Variants in HS6ST3 observed in about 807,000 individuals in gnomAD.
The protein encoded by HS6ST3 is heparan-sulfate 6-O-sulfotransferase 3.
Under a neutral mutation model 36.7 loss-of-function variants are expected in HS6ST3, and 12 were observed. The observed-to-expected ratio is 0.33, with a 90% CI of 0.21 to 0.53. The LOEUF (loss-of-function observed/expected upper bound fraction) is 0.53. Ranked by LOEUF, HS6ST3 falls within the 20% of genes least tolerant of loss-of-function variation. HS6ST3 has a pLI of 0.95. For synonymous variants in HS6ST3, 240 were observed against 257.5 expected, an observed-to-expected ratio of 0.93 and a Z score of 0.65; for missense variants, 584 against 640.9, an observed-to-expected ratio of 0.91 and a Z score of 0.96.
At chr13:96,559,114 CTATCTATCTATT>C (rs1304147777) in intron 1 of HS6ST3, among the ~76,000 whole-genome samples, 20 of 97,534 alleles carry the variant, frequency 2.1e-4, no homozygotes, top group African/African-American at 3.2e-4. Context: ...ATCTATCTAT[CTATCTATCTATT>C]TATTTATTGA....
intron 1 of HS6ST3, among the ~76,000 whole-genome samples, chr13:96,399,967 G>GT (rs955742488): frequency 6.6e-6 from 1 of 151,442 alleles, no homozygotes; most frequent in African/African-American, 2.4e-5. Context: ...AGAACCCAAA[G>GT]TTTTTTTTTC....
intron 1 of HS6ST3, among the ~76,000 whole-genome samples, chr13:96,296,417 A>G (rs892305432): frequency 6.6e-6 from 1 of 152,114 alleles, no homozygotes; most frequent in African/African-American, 2.4e-5. Flanking sequence ...TGATTTCAGA[A>G]TGGGTTCTTG....
intron 1 of HS6ST3, among the ~76,000 whole-genome samples, chr13:96,147,526 G>A (rs2054064106): frequency 6.6e-6 from 1 of 152,204 alleles, no homozygotes; most frequent in Non-Finnish European, 1.5e-5. Flanking sequence ...CTGGGAGTTT[G>A]CACATCTGCT....
chr13:96,825,595 T>A (rs1293061367), intron 1 of HS6ST3, among the ~76,000 whole-genome samples: 1 of 152,166 alleles, frequency 6.6e-6, no homozygotes, highest in East Asian at 1.9e-4. Context: ...CTCTACCTAC[T>A]TTAGGTAGAG....
At chr13:96,680,927 C>T (rs189165982) in intron 1 of HS6ST3, among the ~76,000 whole-genome samples, 2 of 152,324 alleles carry the variant, frequency 1.3e-5, no homozygotes, top group Non-Finnish European at 2.9e-5. Context: ...GCTGGCTTCG[C>T]TACTGACTAG....
intron 1 of HS6ST3, among the ~76,000 whole-genome samples, chr13:96,635,258 G>GTT (rs5805985): frequency 6.7e-4 from 100 of 149,880 alleles, no homozygotes; most frequent in South Asian, 2.1e-3. Context: ...TAAGATGTAA[G>GTT]TTTTTTTTTT....
intron 1 of HS6ST3, among the ~76,000 whole-genome samples, chr13:96,634,074 G>A (rs1381367985): frequency 6.6e-6 from 1 of 152,164 alleles, no homozygotes; most frequent in Non-Finnish European, 1.5e-5. Context: ...GCAGCCATCT[G>A]CAGCCTGGAA....
chr13:96,535,557 CAAAAAAAAA>C (rs5805976), intron 1 of HS6ST3, among the ~76,000 whole-genome samples: 2 of 125,230 alleles, frequency 1.6e-5, no homozygotes, highest in Non-Finnish European at 3.2e-5. Flanking sequence ...GACTCTGTTT[CAAAAAAAAA>C]AAAAAAAAAA....
chr13:96,627,238 T>C (rs1013114282), intron 1 of HS6ST3, among the ~76,000 whole-genome samples: 3 of 152,104 alleles, frequency 2.0e-5, no homozygotes, highest in Non-Finnish European at 4.4e-5. Context: ...GATTTAATCA[T>C]AAATGTGTGT....
At chr13:96,181,211 A>C (rs572781130) in intron 1 of HS6ST3, among the ~76,000 whole-genome samples, 6 of 152,302 alleles carry the variant, frequency 3.9e-5, no homozygotes, top group Non-Finnish European at 5.9e-5. Flanking sequence ...GATTATAAAA[A>C]TTATTCCTAC....
chr13:96,232,392 G>A (rs960792035), intron 1 of HS6ST3, among the ~76,000 whole-genome samples: 28 of 152,132 alleles, frequency 1.8e-4, no homozygotes, highest in African/African-American at 6.8e-4. Flanking sequence ...GAGGTCATGA[G>A]CCTCTGAGAA....
At chr13:96,368,886 C>G (rs530288817) in intron 1 of HS6ST3, among the ~76,000 whole-genome samples, 3 of 152,268 alleles carry the variant, frequency 2.0e-5, no homozygotes, top group South Asian at 4.1e-4. Flanking sequence ...CAATCCAAGT[C>G]TTTACAGACT....
chr13:96,518,646 G>A (rs1490053530), intron 1 of HS6ST3, among the ~76,000 whole-genome samples: 1 of 152,052 alleles, frequency 6.6e-6, no homozygotes, highest in Non-Finnish European at 1.5e-5. Context: ...ATAATTATAT[G>A]TGCTATATTT....
At chr13:96,330,488 T>C (rs61966929) in intron 1 of HS6ST3, among the ~76,000 whole-genome samples, 993 of 134,990 alleles carry the variant, frequency 7.4e-3, no homozygotes, top group African/African-American at 0.011. Flanking sequence ...AATTCTTTTC[T>C]TTAAGAATGT....
At chr13:96,289,706 G>A (rs1030790827) in intron 1 of HS6ST3, among the ~76,000 whole-genome samples, 4 of 152,242 alleles carry the variant, frequency 2.6e-5, no homozygotes, top group Non-Finnish European at 4.4e-5. Flanking sequence ...AACACTTTTG[G>A]CCACCTAAAA....
At chr13:96,500,488 A>G (rs1011951461) in intron 1 of HS6ST3, among the ~76,000 whole-genome samples, 1 of 152,186 alleles carries the variant, frequency 6.6e-6, no homozygotes, top group South Asian at 2.1e-4. Context: ...TGCTATGCTG[A>G]GACTAGACTG....
chr13:96,221,758 G>A (rs2054456658), intron 1 of HS6ST3, among the ~76,000 whole-genome samples: 1 of 152,162 alleles, frequency 6.6e-6, no homozygotes, highest in Non-Finnish European at 1.5e-5. Context: ...ATTCTAGATA[G>A]TTGGAGAGTT....
At chr13:96,666,160 G>A (rs1056527305) in intron 1 of HS6ST3, among the ~76,000 whole-genome samples, 9 of 152,232 alleles carry the variant, frequency 5.9e-5, no homozygotes, top group Admixed American at 2.0e-4. Context: ...GAGGAGAAGT[G>A]CTGAGCAAAA....
chr13:96,818,114 ATTTGC>A (rs1878460361), intron 1 of HS6ST3, among the ~76,000 whole-genome samples: 1 of 83,004 alleles, frequency 1.2e-5, no homozygotes, highest in Non-Finnish European at 2.7e-5. Flanking sequence ...GAAGAAAAAT[ATTTGC>A]AACTTAAGGT....
Sources: gnomAD v4.1 joint callset for allele counts (sites outside exome capture counted in the v4.1 genomes callset) on GRCh38, gnomAD v4.1.1 for gene constraint, MANE v1.5 for transcripts, NCBI Gene and HGNC (gene_info 2026-07-23, HGNC 2026-07-21) for gene names.